The following DRC3 variants were observed in gnomAD, a reference collection of about 807,000 sequenced individuals.
DRC3 encodes leucine rich repeat containing 48.
DRC3 carries 45 observed loss-of-function variants against 57.6 expected under a neutral mutation model. That is an observed-to-expected ratio of 0.78 (90% CI 0.62 to 1.00). The LOEUF is 1.00. Ranked by LOEUF, DRC3 falls within the 50% of genes least tolerant of loss-of-function variation. DRC3 has a pLI of 0.00. For missense variants in DRC3, 655 were observed against 675.2 expected, an observed-to-expected ratio of 0.97 and a Z score of 0.33; for synonymous variants, 257 against 272.3, an observed-to-expected ratio of 0.94 and a Z score of 0.55.
intron 12 of DRC3, chr17:18,011,448 G>A: frequency 4.7e-6 from 1 of 213,178 alleles, no homozygotes; most frequent in Non-Finnish European, 9.5e-6. Flanking sequence ...TCCCCGTGCA[G>A]AGGCCACTGG....
chr17:18,004,641 CCT>C (rs972525658), intron 10 of DRC3, 147 bp downstream of exon 10: 107 of 784,566 alleles, frequency 1.4e-4, no homozygotes, highest in Non-Finnish European at 1.3e-4. Flanking sequence ...GCTCATCAGT[CCT>C]GTTTGCTTTT....
intron 10 of DRC3, 31 bp downstream of exon 10, chr17:18,004,525 A>C (rs757392795): frequency 1.3e-6 from 2 of 1,598,960 alleles, no homozygotes; most frequent in South Asian, 1.1e-5. Context: ...CAAGTGCCAG[A>C]ATCTGGCGAT....
In DRC3 at chr17:17,983,871, G is replaced by A. The variant is rs1055893950; in HGVS notation, c.204G>A (p.Arg68=). 7.4e-6 allele frequency: 12 copies of A among 1,613,522 alleles called. No homozygotes were observed. In the African/African-American group the frequency reaches 1.5e-4, roughly 20 times the overall value. Residue 68 remains arginine, a synonymous_variant, in exon 4 of 14, where the codon AGG becomes AGA. Coordinates refer to ENST00000399187, the MANE Select transcript of DRC3 (RefSeq NM_031294.4). ...ACCTCTGGCAGTTTGAGAACTTGAG[G>A]AAGCTGCAGCTGGACAATAACATCA... ...IDNLWQFENL[R]KLQLDNNIIE... is the part of the protein sequence containing the mutation.
At chr17:18,010,827 C>G (rs767527921) in intron 12 of DRC3, 16 of 350,678 alleles carry the variant, frequency 4.6e-5, no homozygotes, top group Non-Finnish European at 7.8e-5. Flanking sequence ...AGCTGGGCTG[C>G]CTGGTCAAGG....
intron 9 of DRC3, among the ~76,000 whole-genome samples, chr17:17,998,437 G>T (rs556139637): frequency 6.6e-6 from 1 of 152,206 alleles, no homozygotes; most frequent in Admixed American, 6.5e-5. Flanking sequence ...AAGACAGGAT[G>T]CTTAGCCTGT....
In DRC3 at chr17:18,004,355, G is replaced by GT; in HGVS notation, c.1000-5dup. 1 of 1,596,864 alleles carries GT rather than the reference G, an allele frequency of 6.3e-7. No homozygotes were observed. Among genetic ancestry groups the GT allele is most frequent in the Non-Finnish European group, 8.5e-7 (1 of 1,170,854 alleles). ...GTTGATTCCTAAAGTGCAGTCTATT[G>GT]TTTCTAGAGTTTAAGTGCCATTCGA... is the stretch of plus-strand genomic sequence containing the variant. On this transcript the variant is annotated splice_region_variant and splice_polypyrimidine_tract_variant and intron_variant, in intron 9 of 13. Transcript: ENST00000399187.
At chr17:18,002,918 G>A (rs1486131529) in intron 9 of DRC3, among the ~76,000 whole-genome samples, 1 of 152,080 alleles carries the variant, frequency 6.6e-6, no homozygotes, top group Non-Finnish European at 1.5e-5. Context: ...ACTGACATAA[G>A]ACAAACGAGA....
intron 9 of DRC3, among the ~76,000 whole-genome samples, chr17:17,999,738 G>T (rs1381344024): frequency 6.6e-6 from 1 of 152,246 alleles, no homozygotes; most frequent in Non-Finnish European, 1.5e-5. Flanking sequence ...TTGAAGAACT[G>T]TAGTGAGAAA....
chr17:18,010,908 CT>C, intron 12 of DRC3: 2 of 279,568 alleles, frequency 7.2e-6, no homozygotes, highest in Non-Finnish European at 7.1e-6. Flanking sequence ...AGATCATTGA[CT>C]TTTTCCTGGG....
chr17:17,994,069 C>A (rs1261909321), intron 6 of DRC3: 1 of 492,200 alleles, frequency 2.0e-6, no homozygotes. Context: ...GCCTTCCGCT[C>A]CTCCTGGTCT....
chr17:17,976,770 T>C (rs772670196), intron 2 of DRC3, among the ~76,000 whole-genome samples: 1 of 152,228 alleles, frequency 6.6e-6, no homozygotes, highest in Non-Finnish European at 1.5e-5. Flanking sequence ...TCATGAGGCC[T>C]GGACCTAGGG....
At chr17:17,986,431 T>C (rs2042960314) in intron 4 of DRC3, among the ~76,000 whole-genome samples, 1 of 151,828 alleles carries the variant, frequency 6.6e-6, no homozygotes, top group Non-Finnish European at 1.5e-5. Context: ...GAGGAGGCTA[T>C]ATTAAGATGT....
chr17:17,988,125 C>T (rs766828027), intron 5 of DRC3, 27 bp downstream of exon 5: 49 of 1,606,226 alleles, frequency 3.1e-5, no homozygotes, highest in Non-Finnish European at 3.9e-5. Flanking sequence ...CCCGCCCTCA[C>T]GCACACCTGC....
chr17:18,013,576 G>A (rs1239960925), intron 12 of DRC3, among the ~76,000 whole-genome samples: 7 of 152,274 alleles, frequency 4.6e-5, no homozygotes, highest in Admixed American at 2.0e-4. Context: ...CTCATATGCC[G>A]AAGCTAAAAA....
chr17:17,990,683 TGG>T (rs2043186663), intron 5 of DRC3, among the ~76,000 whole-genome samples: 1 of 152,240 alleles, frequency 6.6e-6, no homozygotes, highest in Non-Finnish European at 1.5e-5. Context: ...CAAAGCATAA[TGG>T]TTTTATTTAC....
intron 3 of DRC3, among the ~76,000 whole-genome samples, chr17:17,979,348 G>A (rs1022535245): frequency 1.1e-4 from 16 of 152,188 alleles, no homozygotes; most frequent in Non-Finnish European, 2.1e-4. Context: ...AAGTGGGACA[G>A]GATGGGACTT....
intron 2 of DRC3, among the ~76,000 whole-genome samples, chr17:17,974,873 T>C (rs960130543): frequency 6.6e-6 from 1 of 152,232 alleles, no homozygotes; most frequent in Non-Finnish European, 1.5e-5. Flanking sequence ...ATTCACAGCA[T>C]ATAGCAGTTA....
At chr17:18,006,488 C>T (rs539155128) in intron 11 of DRC3, 27 of 565,592 alleles carry the variant, frequency 4.8e-5, no homozygotes, top group African/African-American at 2.8e-4. Context: ...TAGGAAATGA[C>T]GCCCCCTGTG....
chr17:18,016,609 C>G lies in DRC3; in HGVS notation c.1510C>G (p.Gln504Glu). 6.2e-7 allele frequency: 1 copy of G among 1,613,884 alleles called. No individual in the cohort carries two copies. Among genetic ancestry groups the G allele is most frequent in the Admixed American group, 1.7e-5 (1 of 60,014 alleles). The change falls in exon 14 of 14, where the codon CAG (glutamine) becomes GAG (glutamate). Residue 504 changes from glutamine to glutamate, a missense_variant. Coordinates refer to ENST00000399187, the MANE Select transcript of DRC3 (RefSeq NM_031294.4). The part of the protein sequence containing the change: ...RNRKRVKEIN[Q>E]YIDHMQSELD... ...CCGCAAGCGCGTGAAGGAGATCAAT[C>G]AGTACATCGACCACATGCAGAGCGA...
Sources: gnomAD v4.1 joint callset for allele counts (sites outside exome capture counted in the v4.1 genomes callset) on GRCh38, gnomAD v4.1.1 for gene constraint, MANE v1.5 for transcripts, NCBI Gene and HGNC (gene_info 2026-07-23, HGNC 2026-07-21) for gene names.